MTCL1: variants seen among roughly 807,000 people sequenced by gnomAD.
The protein encoded by MTCL1 is microtubule crosslinking factor 1.
In MTCL1, 79 loss-of-function variants were observed where a neutral mutation model predicts 141.4. That is an observed-to-expected ratio of 0.56 (90% CI 0.47 to 0.67). The LOEUF (loss-of-function observed/expected upper bound fraction) is 0.67, where lower values mean the gene tolerates loss of function less well. MTCL1 is among the 30% of genes least tolerant of loss of function. The pLI, the probability that MTCL1 is intolerant of heterozygous loss-of-function variation, is 0.00. For synonymous variants in MTCL1, 914 were observed against 875.8 expected (o/e 1.04, Z -0.77); for missense variants, 2,177 against 2,113.9 (o/e 1.03, Z -0.59).
chr18:8,819,468 C>T (rs2076770420), intron 13 of MTCL1, among the ~76,000 whole-genome samples: 1 of 152,196 alleles, frequency 6.6e-6, no homozygotes, highest in African/African-American at 2.4e-5. Flanking sequence ...TTTAACTTTG[C>T]CCCCTTGTTT....
chr18:8,748,045 A>G (rs2096350106), intron 4 of MTCL1, among the ~76,000 whole-genome samples: 1 of 152,030 alleles, frequency 6.6e-6, no homozygotes, highest in Non-Finnish European at 1.5e-5. Flanking sequence ...TTCCGTCCCC[A>G]GACCATACCC....
rs1322570060 is a variant in MTCL1 at position 8,822,218 on chromosome 18, T to C, written c.3188+720T>C. Among the ~76,000 whole-genome samples, 1 of 152,198 alleles carries C rather than the reference T, an allele frequency of 6.6e-6. No homozygotes were observed. Among genetic ancestry groups the C allele is most frequent in the African/African-American group, 2.4e-5 (1 of 41,436 alleles). ...CTGTCCTTCACGCTGTCTTCTCTGG[T>C]CTTTCTTGGGTGGTACAGGACAGTA... On this transcript the variant is annotated intron_variant, in intron 14 of 16. Coordinates refer to ENST00000359865, the Ensembl canonical transcript of MTCL1. This position sits in a 1 kb window ranked among gnomAD's most constrained non-coding sequence, Gnocchi z 4.6.
chr18:8,783,542 G>A (rs763464279), exon 6 of MTCL1: 10 of 1,602,080 alleles, frequency 6.2e-6, no homozygotes, highest in East Asian at 4.5e-5. Flanking sequence ...TGACAGTGCC[G>A]ATTTGAGGTG....
At chr18:8,795,523 A>AC (rs2075887121) in intron 8 of MTCL1, among the ~76,000 whole-genome samples, 1 of 152,184 alleles carries the variant, frequency 6.6e-6, no homozygotes, top group African/African-American at 2.4e-5. Context: ...AAGTGTCTAT[A>AC]CCGGGGGTGT....
chr18:8,783,872 G>A (rs764291448), exon 6 of MTCL1: 2 of 1,613,136 alleles, frequency 1.2e-6, no homozygotes, highest in Admixed American at 3.3e-5. Context: ...CCCGGGTCGG[G>A]ACCACGCACC....
chr18:8,785,646 G>A (rs745695862), intron 6 of MTCL1: 66 of 411,590 alleles, frequency 1.6e-4, no homozygotes, highest in Non-Finnish European at 2.3e-4. Context: ...CATGTGCCCC[G>A]TAACCAGTGT....
intron 4 of MTCL1, among the ~76,000 whole-genome samples, chr18:8,734,259 G>A (rs1371848645): frequency 6.6e-6 from 1 of 151,798 alleles, no homozygotes; most frequent in Non-Finnish European, 1.5e-5. Flanking sequence ...CTCCAACTCC[G>A]TTGAAGCTTT....
chr18:8,711,834 G>A (rs2096094452), intron 1 of MTCL1, among the ~76,000 whole-genome samples: 1 of 152,100 alleles, frequency 6.6e-6, no homozygotes, highest in African/African-American at 2.4e-5. Context: ...CTCCCATGTT[G>A]TAGGTTGAAC....
Position 8,818,704 on chromosome 18 carries a change from T to C in MTCL1, c.2860-259T>C, listed in dbSNP as rs78974504. On this transcript the variant is annotated intron_variant, in intron 12 of 16. Transcript: ENST00000359865. Reference sequence around the variant, plus strand: ...GAGTTATGTACAATAACACATATATTGGTGTCAGAAAGAGTTCACCATACT... The same window carrying C: ...GAGTTATGTACAATAACACATATATCGGTGTCAGAAAGAGTTCACCATACT... 3.5e-3 allele frequency among the ~76,000 whole-genome samples: 529 copies of C among 152,366 alleles called. 3 individuals carry two copies. The highest frequency in any genetic ancestry group is 0.012 in the African/African-American group (511 of 41,584).
chr18:8,825,986 G>A (rs2077011459), exon 15 of MTCL1: 1 of 1,599,272 alleles, frequency 6.3e-7, no homozygotes, highest in Non-Finnish European at 8.5e-7. Flanking sequence ...CCCGAGGAAG[G>A]TCGCCTAGCC....
upstream of MTCL1, among the ~76,000 whole-genome samples, chr18:8,714,316 AG>A (rs1348882461): frequency 6.6e-6 from 1 of 152,116 alleles, no homozygotes; most frequent in African/African-American, 2.4e-5. Context: ...GGGTTATTGT[AG>A]GGTTAGTAAT....
intron 6 of MTCL1, 42 bp from the exon 6 acceptor site, chr18:8,785,894 T>C: frequency 1.3e-6 from 2 of 1,528,890 alleles, no homozygotes; most frequent in Non-Finnish European, 8.8e-7. Context: ...GTTTAAAATT[T>C]TAAAGAACAA....
exon 6 of MTCL1, chr18:8,784,026 A>G (rs1219822161): frequency 6.2e-7 from 1 of 1,613,586 alleles, no homozygotes; most frequent in Non-Finnish European, 8.5e-7. Context: ...CTGACCCACG[A>G]GCTCAGCAAG....
intron 4 of MTCL1, among the ~76,000 whole-genome samples, chr18:8,741,997 A>G (rs2096305991): frequency 6.6e-6 from 1 of 151,762 alleles, no homozygotes; most frequent in South Asian, 2.1e-4. Flanking sequence ...CCTTGATCCT[A>G]TTCAGACCTG....
intron 4 of MTCL1, among the ~76,000 whole-genome samples, chr18:8,747,846 T>C (rs1313793997): frequency 6.6e-6 from 1 of 152,126 alleles, no homozygotes; most frequent in Non-Finnish European, 1.5e-5. Flanking sequence ...ATTATCTGCA[T>C]TGTGTTTTTC....
chr18:8,829,218 G>A lies in MTCL1; in HGVS notation c.*18+254G>A, dbSNP rs16954369. 3,094 of 985,384 alleles carry A rather than the reference G, an allele frequency of 3.1e-3. 63 individuals carry two copies. The African/African-American group carries it at 0.049, about 15-fold the overall frequency. 61.0% of individuals were successfully genotyped at this position (985,384 alleles called of 1,614,324 possible). The stretch of plus-strand genomic sequence containing the variant: ...ATAGAGATTCTGCTGAGATTTCTCC[G>A]CTTTTGTACATTTGCAGCCAATATG... On this transcript the variant is annotated intron_variant, in intron 16 of 16. Coordinates refer to ENST00000359865, the Ensembl canonical transcript of MTCL1.
intron 10 of MTCL1, among the ~76,000 whole-genome samples, chr18:8,801,047 G>A (rs2076103440): frequency 1.3e-5 from 2 of 152,206 alleles, no homozygotes. Flanking sequence ...GGACTGAGTA[G>A]ACTCCACTTC....
intron 4 of MTCL1, among the ~76,000 whole-genome samples, chr18:8,765,408 C>T (rs2149023842): frequency 6.6e-6 from 1 of 152,340 alleles, no homozygotes; most frequent in South Asian, 2.1e-4. Context: ...CAAGTCCCTG[C>T]ACTGTTGGTG....
chr18:8,816,510 C>T (rs903692158), intron 12 of MTCL1, among the ~76,000 whole-genome samples: 5 of 152,090 alleles, frequency 3.3e-5, no homozygotes, highest in South Asian at 2.1e-4. Context: ...AGTTTGATTG[C>T]GGGGTGGGGG....
Sources: allele counts gnomAD v4.1 joint callset (sites outside exome capture counted in the v4.1 genomes callset), GRCh38; gene constraint gnomAD v4.1.1; non-coding constraint Gnocchi (gnomAD v3.1); transcripts MANE v1.5; gene names NCBI Gene and HGNC (gene_info 2026-07-23, HGNC 2026-07-21).